NSD2: variants seen among roughly 807,000 people sequenced by gnomAD.
The protein encoded by NSD2 is nuclear receptor binding SET domain protein 2.
Under a neutral mutation model 139.0 loss-of-function variants are expected in NSD2, and 12 were observed. The observed-to-expected ratio is 0.09, with a 90% CI of 0.06 to 0.14. The LOEUF is 0.14. Among genes scored for constraint, NSD2 ranks in the 10% least tolerant of loss-of-function variants. The probability of loss-of-function intolerance (pLI) is 1.00; values close to 1 mark genes in which losing one functional copy is unlikely to be tolerated. For synonymous variants in NSD2, 669 were observed against 648.7 expected (o/e 1.03, Z -0.48); for missense variants, 1,155 against 1,745.0 (o/e 0.66, Z 6.02).
rs751737438 is a variant in NSD2, at chr4:1,909,638, C to CT, written c.760+5271dup. ...TATTTTTCTATCCTCTATTCCTATC[C>CT]TTTTTTTTTTTCTTTTCCTGGAGAT... is the stretch of plus-strand genomic sequence containing the variant. On this transcript the variant is annotated intron_variant, in intron 3 of 21. Transcript: ENST00000508803. 7.3e-3 allele frequency among the ~76,000 whole-genome samples: 1,075 copies of CT among 146,928 alleles called. 8 individuals carry two copies. Among genetic ancestry groups the CT allele is most frequent in the Non-Finnish European group, 0.011 (727 of 66,292 alleles).
At chr4:1,923,229 CTG>C (rs1379415628) in intron 5 of NSD2, among the ~76,000 whole-genome samples, 5 of 150,776 alleles carry the variant, frequency 3.3e-5, no homozygotes, top group Non-Finnish European at 5.9e-5. Flanking sequence ...TGACTCACGC[CTG>C]TAATCCCAGT....
At chr4:1,964,081 C>T (rs374135543) in intron 18 of NSD2, among the ~76,000 whole-genome samples, 30 of 152,280 alleles carry the variant, frequency 2.0e-4, no homozygotes, top group African/African-American at 7.0e-4. Context: ...AGCAGACCTT[C>T]CTAATGGAAG....
chr4:1,977,746 A>T (rs1727246968), intron 21 of NSD2, among the ~76,000 whole-genome samples: 1 of 151,604 alleles, frequency 6.6e-6, no homozygotes, highest in South Asian at 2.1e-4. Flanking sequence ...AAGCTGAGAT[A>T]GCACCATTGC....
rs572539076 is a variant in NSD2, at chr4:1,890,580, C to T, written c.-29-10046C>T. 2.1e-4 allele frequency among the ~76,000 whole-genome samples: 31 copies of T among 150,046 alleles called. No homozygotes were observed. In the East Asian group the frequency reaches 3.8e-3, roughly 18 times the overall value. On this transcript the variant is annotated intron_variant, in intron 1 of 21. Transcript: ENST00000508803. ...CCTCCCAAAGTGCTGGGATTACAGGCGTGAGTCACCGCACCCGGCCTATAC... is the reference window on the plus strand; with the variant it reads ...CCTCCCAAAGTGCTGGGATTACAGGTGTGAGTCACCGCACCCGGCCTATAC...
Position 1,978,839 on chromosome 4 carries a change from C to A in NSD2, c.4028C>A (p.Pro1343Gln), listed in dbSNP as rs368799821. The A allele has an allele frequency of 1.2e-5, 20 of 1,603,430 alleles. No homozygotes were observed. Among genetic ancestry groups the A allele is most frequent in the African/African-American group, 4.0e-5 (3 of 74,776 alleles). The change falls in exon 22 of 22, where the codon CCA becomes CAA. Residue 1343 changes from proline (P) to glutamine (Q), a missense_variant. By Grantham distance (76) the Pro-to-Gln change is moderately conservative. Coordinates refer to ENST00000508803, the MANE Select transcript of NSD2 (RefSeq NM_001042424.3). ...AGCACCAAGACTGAGAAGCCCCCCC[C>A]AGAGCCAGGGAAGCCGAAGGGGAAG... ...VRSTKTEKPPPEPGKPKGKRR... is the reference protein window; with the variant it reads ...VRSTKTEKPPQEPGKPKGKRR...
chr4:1,935,164 A>G lies in NSD2; in HGVS notation c.1576A>G (p.Arg526Gly), dbSNP rs767569743. ...CCAAGGTAATGTAAATGGGAAAAAAAGAAACCACACAAAGAGGATACAGGA... is the reference window on the plus strand; with the variant it reads ...CCAAGGTAATGTAAATGGGAAAAAAGGAAACCACACAAAGAGGATACAGGA... ...EDSGNVNGKK[R>G]NHTKRIQDPT... The change falls in exon 7 of 22, where the codon AGA becomes GGA. Residue 526 changes from arginine to glycine, a missense_variant. Arg to Gly is a moderately radical substitution (Grantham distance 125). Around this residue, in one of 8 missense-constraint regions of NSD2, gnomAD observed 420 missense variants for 469.0 expected, o/e 0.90. Coordinates refer to ENST00000508803, the MANE Select transcript of NSD2 (RefSeq NM_001042424.3). 6.2e-7 allele frequency: 1 copy of G among 1,610,588 alleles called. No homozygotes were observed. The highest frequency in any genetic ancestry group is 1.1e-5 in the South Asian group (1 of 90,476).
Position 1,958,126 on chromosome 4 carries a change from G to A in NSD2, c.2985+90G>A. 2 of 1,303,608 alleles carry A rather than the reference G, an allele frequency of 1.5e-6. No individual in the cohort carries two copies. The highest frequency in any genetic ancestry group is 2.6e-5 in the South Asian group (2 of 76,684). 80.8% of individuals were successfully genotyped at this position (1,303,608 alleles called of 1,614,324 possible). ...TTAGGCACACCCAGGCTATGGCTGG[G>A]GAGAGGACTGTCACCAGCCAGGATC... On this transcript the variant is annotated intron_variant, in intron 16 of 21. Coordinates refer to ENST00000508803, the MANE Select transcript of NSD2 (RefSeq NM_001042424.3). This position sits in a 1 kb window ranked among gnomAD's most constrained non-coding sequence, Gnocchi z 4.6.
intron 5 of NSD2, among the ~76,000 whole-genome samples, chr4:1,930,358 A>T (rs1032631552): frequency 9.9e-5 from 15 of 152,016 alleles, no homozygotes; most frequent in African/African-American, 3.4e-4. Context: ...GTATATATAT[A>T]TTTTTATCAT....
chr4:1,981,435 C>CCAT lies in NSD2; in HGVS notation c.*2530_*2532dup, dbSNP rs1253402068. 5 of 234,884 alleles carry CCAT rather than the reference C, an allele frequency of 2.1e-5. No individual in the cohort carries two copies. The highest frequency in any genetic ancestry group is 1.1e-4 in the African/African-American group (5 of 45,560). The allele number at this position is 234,884 out of a possible 1,614,324, so 14.5% of individuals were successfully genotyped here. On this transcript the variant is annotated 3_prime_UTR_variant, in exon 22 of 22. Transcript: ENST00000508803. Reference sequence around the variant, plus strand: ...CTTCCTGAACATCAGCTTCAATCCTCCATCATTAATGTGAAGCAAAACACA... The same window carrying CCAT: ...CTTCCTGAACATCAGCTTCAATCCTCCATCATCATTAATGTGAAGCAAAACACA...
intron 1 of NSD2, among the ~76,000 whole-genome samples, chr4:1,882,418 A>G (rs946122280): frequency 4.6e-5 from 7 of 152,214 alleles, no homozygotes; most frequent in Non-Finnish European, 1.0e-4. Context: ...TAATCCCAGC[A>G]CTTTGGGAGG....
chr4:1,897,340 C>G (rs1048278827), intron 1 of NSD2, among the ~76,000 whole-genome samples: 5 of 152,024 alleles, frequency 3.3e-5, no homozygotes, highest in African/African-American at 1.2e-4. Context: ...AAAAAGTTAG[C>G]TGAGCATGGT....
At chr4:1,909,520 G>A (rs570336851) in intron 3 of NSD2, among the ~76,000 whole-genome samples, 1 of 152,292 alleles carries the variant, frequency 6.6e-6, no homozygotes, top group Admixed American at 6.5e-5. Context: ...TGAGTGGTGA[G>A]TGTCGTTGTT....
intron 9 of NSD2, chr4:1,946,297 CCT>C (rs1723621774): frequency 1.2e-6 from 1 of 864,292 alleles, no homozygotes; most frequent in Non-Finnish European, 1.4e-6. Context: ...AGAGTCTCAC[CCT>C]GTTGGCCAGG....
chr4:1,936,567 A>T (rs2108882575), intron 7 of NSD2, among the ~76,000 whole-genome samples: 1 of 149,826 alleles, frequency 6.7e-6, no homozygotes, highest in South Asian at 2.2e-4. Flanking sequence ...GCTACTCGGG[A>T]TGAGGCAGGA....
chr4:1,974,609 C>G lies in NSD2; in HGVS notation c.3373-254C>G, dbSNP rs993498153. 1.6e-6 allele frequency: 1 copy of G among 624,346 alleles called. No individual in the cohort carries two copies. The highest frequency in any genetic ancestry group is 3.0e-6 in the Non-Finnish European group (1 of 337,554). The allele number at this position is 624,346 out of a possible 1,614,324, so 38.7% of individuals were successfully genotyped here. On this transcript the variant is annotated intron_variant, in intron 18 of 21. Coordinates refer to ENST00000508803, the MANE Select transcript of NSD2 (RefSeq NM_001042424.3). This position sits in a 1 kb window ranked among gnomAD's most constrained non-coding sequence, Gnocchi z 4.0. ...TTGCCATCATGGAGGATGCTGGGAG[C>G]TCCAGCTCCCTGTCCTGTCCTCCCC...
At chr4:1,892,631 T>TCTCGG (rs1225013408) in intron 1 of NSD2, among the ~76,000 whole-genome samples, 31 of 151,978 alleles carry the variant, frequency 2.0e-4, no homozygotes, top group African/African-American at 7.3e-4. Context: ...AGTGGCCTGA[T>TCTCGG]CTCGGCTCGG....
intron 5 of NSD2, among the ~76,000 whole-genome samples, chr4:1,922,023 T>C (rs10002574): frequency 0.063 from 9,528 of 151,798 alleles, 1,025 homozygotes; most frequent in African/African-American, 0.22. Context: ...TGATGCGCGC[T>C]TGTAATCCCA....
chr4:1,924,034 A>G (rs1165361460), intron 5 of NSD2, among the ~76,000 whole-genome samples: 1 of 152,220 alleles, frequency 6.6e-6, no homozygotes, highest in Non-Finnish European at 1.5e-5. Context: ...GGCAGGAGCC[A>G]TTAACACCTG....
chr4:1,980,797 A>G lies in NSD2; in HGVS notation c.*1888A>G, dbSNP rs1727683773. The G allele has an allele frequency of 4.3e-6, 1 of 233,186 alleles. No individual in the cohort carries two copies. Among genetic ancestry groups the G allele is most frequent in the African/African-American group, 2.2e-5 (1 of 45,342 alleles). 14.4% of individuals were successfully genotyped at this position (233,186 alleles called of 1,614,324 possible). On this transcript the variant is annotated 3_prime_UTR_variant, in exon 22 of 22. Coordinates refer to ENST00000508803, the MANE Select transcript of NSD2 (RefSeq NM_001042424.3). ...CTCTGAGGGGCACTCGCCGGTTAAGACAGGGTGGGAGTAGTGCTTTCCAGT... is the reference window on the plus strand; with the variant it reads ...CTCTGAGGGGCACTCGCCGGTTAAGGCAGGGTGGGAGTAGTGCTTTCCAGT...
Sources: gnomAD v4.1 joint callset for allele counts (sites outside exome capture counted in the v4.1 genomes callset) on GRCh38, gnomAD v4.1.1 for gene constraint, gnomAD v4.1.1 regional missense constraint, Gnocchi (gnomAD v3.1) non-coding constraint, MANE v1.5 for transcripts, NCBI Gene and HGNC (gene_info 2026-07-23, HGNC 2026-07-21) for gene names.